The following KLF17 variants were observed in gnomAD, a reference collection of about 807,000 sequenced individuals.
KLF17 encodes the protein KLF transcription factor 17.
KLF17 carries 31 observed loss-of-function variants against 34.2 expected under a neutral mutation model. The ratio of observed to expected loss-of-function variants is 0.91; its 90% confidence interval spans 0.68 to 1.22. KLF17 has a LOEUF of 1.22. KLF17 is among the 50% of genes most tolerant of loss of function. The pLI is 0.00. For missense variants in KLF17, 478 were observed against 505.2 expected (o/e 0.95, Z 0.52); for synonymous variants, 179 against 186.7 (o/e 0.96, Z 0.34).
the KLF17 span, chr1:44,048,259 G>C: frequency 6.6e-6 from 1 of 152,340 alleles, no homozygotes; most frequent in South Asian, 2.1e-4. Context: ...CGCATAGCCA[G>C]TAACTCTCCC....
At chr1:44,109,730 C>A in the KLF17 span, among the ~76,000 whole-genome samples, 1 of 152,080 alleles carries the variant, frequency 6.6e-6, no homozygotes, top group African/African-American at 2.4e-5. Context: ...CAATCACCCT[C>A]TTTCCAACTT....
the KLF17 span, among the ~76,000 whole-genome samples, chr1:44,075,722 T>C: frequency 1.3e-5 from 2 of 152,226 alleles, no homozygotes; most frequent in African/African-American, 4.8e-5. Context: ...TTCTGTAAAT[T>C]ATGAAACATT....
rs1244764439 is a variant in KLF17, at chr1:44,130,014, GC to G, written c.746del (p.Pro249HisfsTer14). The G allele has an allele frequency of 6.2e-7, 1 of 1,614,064 alleles. No individual in the cohort carries two copies. Among genetic ancestry groups the G allele is most frequent in the Non-Finnish European group, 8.5e-7 (1 of 1,180,046 alleles). On this transcript the variant is annotated frameshift_variant, in exon 2 of 4. Transcript: ENST00000372299. LOFTEE classifies it high-confidence loss of function. ...GTCAGTCAGCCAGACTCTCAAGAAG[GC>G]CCATTTCTACCAGAGCAGCCCGGAC... The part of the protein sequence containing the change: ...SLVSQPDSQE[G>X]PFLPEQPGPA...
chr1:44,104,280 AG>A, the KLF17 span: 1 of 1,578,212 alleles, frequency 6.3e-7, no homozygotes, highest in Non-Finnish European at 8.6e-7. Flanking sequence ...CGTGTTGCCA[AG>A]CTCCGTCTCC....
the KLF17 span, among the ~76,000 whole-genome samples, chr1:44,102,261 C>T: frequency 6.6e-6 from 1 of 151,782 alleles, no homozygotes; most frequent in African/African-American, 2.4e-5. Flanking sequence ...AGGCCGGGCA[C>T]GGTGACTCAC....
chr1:44,079,690 A>C, the KLF17 span, among the ~76,000 whole-genome samples: 2 of 152,150 alleles, frequency 1.3e-5, no homozygotes, highest in Non-Finnish European at 2.9e-5. Context: ...CAAATCAGTC[A>C]GATTTAATCC....
chr1:44,100,892 T>C, the KLF17 span, among the ~76,000 whole-genome samples: 1 of 152,304 alleles, frequency 6.6e-6, no homozygotes, highest in East Asian at 1.9e-4. Flanking sequence ...TTTACTGCCC[T>C]AAAAACCCTC....
the KLF17 span, chr1:44,051,564 G>T: frequency 2.6e-5 from 4 of 151,606 alleles, no homozygotes; most frequent in Non-Finnish European, 5.9e-5. Context: ...TTGGCTAAGA[G>T]GTCAGTTAAA....
At chr1:44,076,952 T>C in the KLF17 span, 1 of 148,126 alleles carries the variant, frequency 6.8e-6, no homozygotes, top group Non-Finnish European at 1.5e-5. Flanking sequence ...CTCAGGCTGG[T>C]CTTGAACTCC....
At chr1:44,090,602 G>C in the KLF17 span, among the ~76,000 whole-genome samples, 1 of 152,076 alleles carries the variant, frequency 6.6e-6, no homozygotes, top group Admixed American at 6.6e-5. Context: ...TTGTGTTAAA[G>C]AGAAAGTCCG....
At chr1:44,094,847 C>T in the KLF17 span, among the ~76,000 whole-genome samples, 2 of 151,584 alleles carry the variant, frequency 1.3e-5, no homozygotes, top group African/African-American at 4.8e-5. Flanking sequence ...GTTCCATACA[C>T]ATTTTAGAAT....
chr1:44,053,448 C>T, the KLF17 span, among the ~76,000 whole-genome samples: 4 of 152,068 alleles, frequency 2.6e-5, no homozygotes, highest in Non-Finnish European at 5.9e-5. Flanking sequence ...CCTCTCCAGT[C>T]CCCTAGTTCT....
At chr1:44,126,415 T>C (rs1245906302) in intron 1 of KLF17, among the ~76,000 whole-genome samples, 2 of 152,238 alleles carry the variant, frequency 1.3e-5, no homozygotes, top group Non-Finnish European at 2.9e-5. Context: ...AGCTACTACC[T>C]ACCTAAGAAT....
the KLF17 span, among the ~76,000 whole-genome samples, chr1:44,071,764 C>T: frequency 6.6e-6 from 1 of 152,116 alleles, no homozygotes; most frequent in African/African-American, 2.4e-5. Context: ...TCTATGGGTC[C>T]TCGTTGGCTC....
At chr1:44,105,976 CA>C in the KLF17 span, among the ~76,000 whole-genome samples, 1 of 151,718 alleles carries the variant, frequency 6.6e-6, no homozygotes, top group Non-Finnish European at 1.5e-5. Flanking sequence ...CCAGCCTGGG[CA>C]ACATAGTGAG....
chr1:44,103,937 G>T, the KLF17 span: 1 of 852,886 alleles, frequency 1.2e-6, no homozygotes, highest in South Asian at 1.3e-5. Flanking sequence ...TCTGGTACAT[G>T]CTCTCAGCCT....
chr1:44,118,885 A>C lies in KLF17; in HGVS notation c.-23A>C. ...CTGGTTCCCTGTCTCTTCAGTAGAGAGTCTAGACCCCACCCAGTCTTCATG... is the reference window on the plus strand; with the variant it reads ...CTGGTTCCCTGTCTCTTCAGTAGAGCGTCTAGACCCCACCCAGTCTTCATG... On this transcript the variant is annotated 5_prime_UTR_variant, in exon 1 of 4. Coordinates refer to ENST00000372299, the MANE Select transcript of KLF17 (RefSeq NM_173484.4). The C allele has an allele frequency of 6.3e-7, 1 of 1,588,768 alleles. No individual in the cohort carries two copies. Among genetic ancestry groups the C allele is most frequent in the East Asian group, 2.3e-5 (1 of 43,342 alleles).
chr1:44,077,032 G>T, the KLF17 span, among the ~76,000 whole-genome samples: 21 of 147,474 alleles, frequency 1.4e-4, no homozygotes, highest in African/African-American at 5.2e-4. Context: ...ACTGCACCCA[G>T]CCTTTTTCTT....
At chr1:44,057,928 T>C in the KLF17 span, among the ~76,000 whole-genome samples, 695 of 152,322 alleles carry the variant, frequency 4.6e-3, 5 homozygotes, top group African/African-American at 0.016. Context: ...TAGATTTTAC[T>C]CAGATGCCAC....
Sources: allele counts gnomAD v4.1 joint callset (sites outside exome capture counted in the v4.1 genomes callset), GRCh38; gene constraint gnomAD v4.1.1; transcripts MANE v1.5; gene names NCBI Gene and HGNC (gene_info 2026-07-23, HGNC 2026-07-21).